Variants in PPIP5K1 observed in about 807,000 individuals in gnomAD.
PPIP5K1 encodes the protein diphosphoinositol pentakisphosphate kinase 1, also known as inositol hexakisphosphate and diphosphoinositol-pentakisphosphate kinase 1.
Under a neutral mutation model 27.7 loss-of-function variants are expected in PPIP5K1, and 6 were observed. That is an observed-to-expected ratio of 0.22 (90% CI 0.12 to 0.43). PPIP5K1 has a LOEUF of 0.43. PPIP5K1 is among the 20% of genes least tolerant of loss of function. The probability of loss-of-function intolerance (pLI) is 1.00; values close to 1 mark genes in which losing one functional copy is unlikely to be tolerated. For synonymous variants in PPIP5K1, 145 were observed against 242.6 expected (o/e 0.60, Z 3.74); for missense variants, 394 against 635.4 (o/e 0.62, Z 4.08).
At position 43,534,807 on chromosome 15, in the gene PPIP5K1, A is replaced by T; in HGVS notation, c.4340T>A (p.Val1447Asp). The T allele has an allele frequency of 1.2e-6, 2 of 1,604,964 alleles. No homozygotes were observed. Among genetic ancestry groups the T allele is most frequent in the Non-Finnish European group, 1.7e-6 (2 of 1,175,462 alleles). Residue 1447 changes from valine (V) to aspartate (D), a missense_variant, in exon 32 of 32, where the codon GTT becomes GAT. Val to Asp is a radical substitution (Grantham distance 152). Transcript: ENST00000420765. ...AGAAGTCTCCTGGGCCAGCCTGCCA[A>T]CCTCCACAGAGAACTCCTGGTATGG... ...IQPYQEFSVE[V>D]GRLAQETSAI...
chr15:43,545,773 T>C (rs67158965), intron 30 of PPIP5K1, among the ~76,000 whole-genome samples: 2,266 of 152,336 alleles, frequency 0.015, 32 homozygotes, highest in Non-Finnish European at 0.022. Context: ...GGTTTAATTT[T>C]TTTTATTGAG....
At chr15:43,539,325 A>C (rs574728749) in intron 31 of PPIP5K1, 145 bp downstream of exon 31, 2 of 659,500 alleles carry the variant, frequency 3.0e-6, no homozygotes, top group African/African-American at 1.8e-5. Flanking sequence ...TCATCTTAGA[A>C]ATGGCAGATG....
intron 30 of PPIP5K1, among the ~76,000 whole-genome samples, chr15:43,550,332 G>A (rs2082038167): frequency 6.6e-6 from 1 of 151,760 alleles, no homozygotes; most frequent in African/African-American, 2.4e-5. Flanking sequence ...TTTTTGTAGA[G>A]AGAGTGTCTC....
intron 31 of PPIP5K1, among the ~76,000 whole-genome samples, chr15:43,539,200 A>G (rs1004408690): frequency 3.8e-5 from 2 of 52,224 alleles, no homozygotes; most frequent in Non-Finnish European, 6.0e-5. Flanking sequence ...TCTGTCTCTC[A>G]AAAAAAAAAA....
chr15:43,540,992 A>G (rs918187057), intron 30 of PPIP5K1, among the ~76,000 whole-genome samples: 1 of 152,172 alleles, frequency 6.6e-6, no homozygotes, highest in African/African-American at 2.4e-5. Context: ...CCCAGTCCAT[A>G]TTCAAATTTT....
intron 30 of PPIP5K1, among the ~76,000 whole-genome samples, chr15:43,550,629 C>T (rs747153488): frequency 2.0e-5 from 3 of 151,834 alleles, no homozygotes; most frequent in Non-Finnish European, 4.4e-5. Context: ...TTGCCTAAAA[C>T]TCCTGGTACG....
At position 43,534,524 on chromosome 15, in the gene PPIP5K1, A is replaced by G. The variant is rs2079572895; in HGVS notation, c.*150T>C. ...GTATAGTGTGATACCACTAATGAGA[A>G]AATTAATCACATGTTGCTGGTGGAA... On this transcript the variant is annotated 3_prime_UTR_variant, in exon 32 of 32. Transcript: ENST00000420765. 4.3e-6 allele frequency: 3 copies of G among 704,132 alleles called. No homozygotes were observed. Among genetic ancestry groups the G allele is most frequent in the Non-Finnish European group, 6.9e-6 (3 of 437,238 alleles). 43.6% of individuals were successfully genotyped at this position (704,132 alleles called of 1,614,324 possible). A position where few individuals can be genotyped will look rare whatever the true frequency, so the allele number is the denominator to read the frequency against.
At chr15:43,537,222 C>T (rs1272267975) in intron 31 of PPIP5K1, 1 of 174,274 alleles carries the variant, frequency 5.7e-6, no homozygotes, top group Non-Finnish European at 1.2e-5. Flanking sequence ...GCCTGTAATC[C>T]CAGCTACAGC....
intron 30 of PPIP5K1, chr15:43,548,407 T>A (rs1392414324): frequency 6.9e-6 from 1 of 144,854 alleles, no homozygotes; most frequent in African/African-American, 2.6e-5. Flanking sequence ...ACACCCAGGC[T>A]TTTTTTTTTT....
At position 43,535,152 on chromosome 15, in the gene PPIP5K1, A is replaced by G; in HGVS notation, c.3995T>C (p.Leu1332Pro). The G allele has an allele frequency of 6.2e-7, 1 of 1,613,276 alleles. No individual in the cohort carries two copies. The highest frequency in any genetic ancestry group is 8.5e-7 in the Non-Finnish European group (1 of 1,179,830). ...AGGGACCTTCTGACATGGCTGGCTGAGCGCCTCAGAAATGTCCTGGCATGG... is the reference window on the plus strand; with the variant it reads ...AGGGACCTTCTGACATGGCTGGCTGGGCGCCTCAGAAATGTCCTGGCATGG... ...SQPCQDISEA[L>P]SQPCQKVPDI... The change falls in exon 32 of 32, where the codon CTC becomes CCC. Residue 1332 changes from leucine to proline, a missense_variant. Physicochemically the swap from Leu to Pro is moderately conservative, Grantham distance 98. Transcript: ENST00000420765.
Position 43,533,820 on chromosome 15 carries a change from A to G in PPIP5K1, c.*854T>C, listed in dbSNP as rs1172718019. 1 of 152,178 alleles carries G rather than the reference A, an allele frequency of 6.6e-6. No homozygotes were observed. The highest frequency in any genetic ancestry group is 2.4e-5 in the African/African-American group (1 of 41,418). The allele number at this position is 152,178 out of a possible 1,614,324, so 9.4% of individuals were successfully genotyped here. On this transcript the variant is annotated 3_prime_UTR_variant, in exon 32 of 32. Coordinates refer to ENST00000420765, the MANE Select transcript of PPIP5K1 (RefSeq NM_001394395.1). Reference sequence around the variant, plus strand: ...AGCATCTCCTAAGCCAAACAGCCCCACCACAGAGGAGGCCCACTTTCACAG... The same window carrying G: ...AGCATCTCCTAAGCCAAACAGCCCCGCCACAGAGGAGGCCCACTTTCACAG...
At chr15:43,547,348 A>G (rs1032460154) in intron 30 of PPIP5K1, among the ~76,000 whole-genome samples, 3 of 152,146 alleles carry the variant, frequency 2.0e-5, no homozygotes, top group Admixed American at 1.3e-4. Flanking sequence ...ATATCCTTTG[A>G]TGCACAAATA....
Position 43,539,498 on chromosome 15 carries a change from G to C in PPIP5K1, c.3642C>G (p.Leu1214=). 6.2e-7 allele frequency: 1 copy of C among 1,605,834 alleles called. No homozygotes were observed. The highest frequency in any genetic ancestry group is 1.1e-5 in the South Asian group (1 of 89,550). ...PRTLHSPPLQ[L]QQRSEKPPWY... is the part of the protein sequence containing the mutation. Reference sequence around the variant, plus strand: ...AAGGGGGCTTCTCAGAGCGCTGCTGGAGTTGCAGGGGAGGTGAATGAAGAG... The same window carrying C: ...AAGGGGGCTTCTCAGAGCGCTGCTGCAGTTGCAGGGGAGGTGAATGAAGAG... Residue 1214 remains leucine (L), a synonymous_variant, in exon 31 of 32, where the codon CTC becomes CTG. Coordinates refer to ENST00000420765, the MANE Select transcript of PPIP5K1 (RefSeq NM_001394395.1).
chr15:43,536,407 A>C (rs573307533), intron 31 of PPIP5K1, among the ~76,000 whole-genome samples: 1 of 151,904 alleles, frequency 6.6e-6, no homozygotes, highest in South Asian at 2.1e-4. Context: ...CAACAAAGCA[A>C]GACTCTGTCT....
Position 43,579,385 on chromosome 15 carries a change from C to T in PPIP5K1, c.1062-265G>A, listed in dbSNP as rs1362718924. Reference sequence around the variant, plus strand: ...AGTACATAGGGGCTTCGATTATATACACACACACACACACACACACACACA... The same window carrying T: ...AGTACATAGGGGCTTCGATTATATATACACACACACACACACACACACACA... On this transcript the variant is annotated intron_variant, in intron 10 of 31. Coordinates refer to ENST00000420765, the MANE Select transcript of PPIP5K1 (RefSeq NM_001394395.1). Among the ~76,000 whole-genome samples, 41 of 89,818 alleles carry T rather than the reference C, an allele frequency of 4.6e-4. 3 individuals carry two copies. The highest frequency in any genetic ancestry group is 1.7e-3 in the Admixed American group (17 of 9,946). 58.9% of individuals were successfully genotyped at this position (89,818 alleles called of 152,430 possible). A position where few individuals can be genotyped will look rare whatever the true frequency, so the allele number is the denominator to read the frequency against.
At chr15:43,556,444 C>G (rs2082960935) in intron 30 of PPIP5K1, among the ~76,000 whole-genome samples, 1 of 151,708 alleles carries the variant, frequency 6.6e-6, no homozygotes, top group South Asian at 2.1e-4. Flanking sequence ...CAAGACCAGC[C>G]TGGCCAACAT....
intron 10 of PPIP5K1, among the ~76,000 whole-genome samples, chr15:43,579,653 ATT>A (rs1179725070): frequency 4.4e-3 from 126 of 28,754 alleles, no homozygotes; most frequent in African/African-American, 7.9e-3. Flanking sequence ...ATATATATAT[ATT>A]TTTTTTTTTT....
At chr15:43,557,212 A>C (rs372145774) in intron 30 of PPIP5K1, among the ~76,000 whole-genome samples, 1 of 152,044 alleles carries the variant, frequency 6.6e-6, no homozygotes, top group Non-Finnish European at 1.5e-5. Flanking sequence ...GTGGGAACCC[A>C]AGGGGGGGTG....
chr15:43,541,730 G>GA lies in PPIP5K1; in HGVS notation c.3557-2148dup, dbSNP rs1555422535. Among the ~76,000 whole-genome samples the GA allele has an allele frequency of 6.4e-3, 699 of 109,870 alleles. 3 individuals carry two copies. The highest frequency in any genetic ancestry group is 0.015 in the East Asian group (58 of 3,992). The allele number at this position is 109,870 out of a possible 152,430, so 72.1% of individuals were successfully genotyped here. On this transcript the variant is annotated intron_variant, in intron 30 of 31. Coordinates refer to ENST00000420765, the MANE Select transcript of PPIP5K1 (RefSeq NM_001394395.1). Reference sequence around the variant, plus strand: ...CAAAGCAAGACTCCATCTCAAAAAAGAAAAAAAAAAAAAGAGAGAAAAGAG... The same window carrying GA: ...CAAAGCAAGACTCCATCTCAAAAAAGAAAAAAAAAAAAAAGAGAGAAAAGAG...
Sources: allele counts gnomAD v4.1 joint callset (sites outside exome capture counted in the v4.1 genomes callset), GRCh38; gene constraint gnomAD v4.1.1; transcripts MANE v1.5; gene names NCBI Gene and HGNC (gene_info 2026-07-23, HGNC 2026-07-21).